The following COL11A1 variants were observed in gnomAD, a reference collection of about 807,000 sequenced individuals.
COL11A1 encodes the protein collagen alpha-1(XI) chain.
COL11A1 carries 74 observed loss-of-function variants against 265.2 expected under a neutral mutation model. That is an observed-to-expected ratio of 0.28 (90% CI 0.23 to 0.34). The LOEUF (loss-of-function observed/expected upper bound fraction) is 0.34, where lower values mean the gene tolerates loss of function less well. Among genes scored for constraint, COL11A1 ranks in the 10% least tolerant of loss-of-function variants. The probability of loss-of-function intolerance (pLI) is 1.00; values close to 1 mark genes in which losing one functional copy is unlikely to be tolerated. For missense variants in COL11A1, 2,165 were observed against 2,263.6 expected, an observed-to-expected ratio of 0.96 and a Z score of 0.88; for synonymous variants, 816 against 727.6, an observed-to-expected ratio of 1.12 and a Z score of -1.96.
chr1:102,915,734 C>T, intron 49 of COL11A1, 50 bp from the exon 50 acceptor site: 1 of 1,376,616 alleles, frequency 7.3e-7, no homozygotes, highest in South Asian at 1.2e-5. Context: ...TGATCTTTTA[C>T]ATTTATAAAA....
chr1:103,031,645 T>C (rs1031812348), intron 4 of COL11A1, among the ~76,000 whole-genome samples: 2 of 151,988 alleles, frequency 1.3e-5, no homozygotes, highest in Non-Finnish European at 2.9e-5. Flanking sequence ...ACTAAATAAG[T>C]AAAAAGCTCA....
chr1:102,910,763 T>C (rs757713056), intron 54 of COL11A1, among the ~76,000 whole-genome samples: 1 of 152,016 alleles, frequency 6.6e-6, no homozygotes, highest in Non-Finnish European at 1.5e-5. Context: ...AAATACACAA[T>C]TTGCCCAACG....
intron 36 of COL11A1, among the ~76,000 whole-genome samples, chr1:102,972,781 A>C (rs1333706666): frequency 6.6e-6 from 1 of 152,112 alleles, no homozygotes; most frequent in Non-Finnish European, 1.5e-5. Context: ...ATGTTTTCTC[A>C]CTTCTCATTG....
rs562849323 is a variant in COL11A1, at chr1:103,079,613, T to C, written c.275-742A>G. 1.2e-4 allele frequency among the ~76,000 whole-genome samples: 18 copies of C among 152,166 alleles called. No individual in the cohort carries two copies. In the South Asian group the frequency reaches 3.5e-3, roughly 30 times the overall value. ...CAAATAATTAAGTAATGAGTACTTA[T>C]ATTTTTATAAAACAATGTATATTAA... On this transcript the variant is annotated intron_variant, in intron 2 of 66. Coordinates refer to ENST00000370096, the MANE Select transcript of COL11A1 (RefSeq NM_001854.4).
chr1:102,901,319 TAA>T (rs35142040), intron 54 of COL11A1, among the ~76,000 whole-genome samples: 12 of 125,742 alleles, frequency 9.5e-5, no homozygotes, highest in South Asian at 5.1e-4. Context: ...AAACTCTGTC[TAA>T]AAAAAAAAAA....
chr1:102,996,974 A>C lies in COL11A1; in HGVS notation c.2241+106T>G. 7 of 940,628 alleles carry C rather than the reference A, an allele frequency of 7.4e-6. No individual in the cohort carries two copies. The African/African-American group carries it at 8.2e-5, about 11-fold the overall frequency. 58.3% of individuals were successfully genotyped at this position (940,628 alleles called of 1,614,324 possible). On this transcript the variant is annotated intron_variant, in intron 26 of 66. Transcript: ENST00000370096. ...AGTCTAAGATATCTTTTTTATACCC[A>C]AAATAACTATATGAACGTGATTTAT...
intron 46 of COL11A1, among the ~76,000 whole-genome samples, chr1:102,924,446 A>C (rs76458328): frequency 3.3e-5 from 5 of 151,998 alleles, no homozygotes; most frequent in Non-Finnish European, 7.4e-5. Context: ...TCATGTCACA[A>C]CAATACTTTG....
intron 4 of COL11A1, among the ~76,000 whole-genome samples, chr1:103,039,659 T>A (rs1668655897): frequency 6.6e-6 from 1 of 151,912 alleles, no homozygotes; most frequent in African/African-American, 2.4e-5. Flanking sequence ...TTTGAAAAAA[T>A]AAGTTTCTGT....
chr1:103,055,847 C>T (rs12131383), intron 4 of COL11A1, among the ~76,000 whole-genome samples: 18,120 of 152,190 alleles, frequency 0.12, 1,209 homozygotes, highest in Non-Finnish European at 0.14. Context: ...AAGAAATGAA[C>T]ACTTTTCAAA....
At chr1:103,081,348 T>C (rs1025423465) in intron 2 of COL11A1, among the ~76,000 whole-genome samples, 13 of 151,866 alleles carry the variant, frequency 8.6e-5, no homozygotes, top group Admixed American at 4.6e-4. Flanking sequence ...TTCCCATCCC[T>C]TTTTCTATTA....
At chr1:102,962,034 A>G (rs1196039850) in intron 40 of COL11A1, 115 bp from the exon 41 acceptor site, 7 of 1,006,648 alleles carry the variant, frequency 7.0e-6, no homozygotes, top group African/African-American at 6.4e-5. Context: ...ACATAACTAC[A>G]TATATACACA....
chr1:103,102,568 C>T (rs528207570), intron 1 of COL11A1, among the ~76,000 whole-genome samples: 14 of 152,174 alleles, frequency 9.2e-5, no homozygotes, highest in Admixed American at 2.0e-4. Context: ...TCCCCACTTG[C>T]AGTTGCCTTG....
At chr1:102,936,236 C>G (rs976792719) in intron 44 of COL11A1, among the ~76,000 whole-genome samples, 18 of 144,556 alleles carry the variant, frequency 1.2e-4, no homozygotes, top group African/African-American at 4.6e-4. Flanking sequence ...CAGTGCTTGT[C>G]TCAAAAAAAA....
chr1:102,901,609 G>C (rs891400922), intron 54 of COL11A1, among the ~76,000 whole-genome samples: 15 of 152,254 alleles, frequency 9.9e-5, no homozygotes, highest in African/African-American at 2.9e-4. Context: ...ACTTAATCTG[G>C]TGAGCTCTTG....
At chr1:103,037,797 G>A (rs573284583) in intron 4 of COL11A1, among the ~76,000 whole-genome samples, 1 of 152,140 alleles carries the variant, frequency 6.6e-6, no homozygotes, top group African/African-American at 2.4e-5. Flanking sequence ...TTTATTCTAA[G>A]AGAGCAATTT....
intron 6 of COL11A1, chr1:103,025,917 T>C (rs1173414087): frequency 6.2e-7 from 1 of 1,612,662 alleles, no homozygotes; most frequent in African/African-American, 1.3e-5. Flanking sequence ...TAGTAGCCAC[T>C]GTCCTCATCT....
At chr1:102,914,439 T>C (rs1455193328) in intron 51 of COL11A1, 34 bp from the exon 52 acceptor site, 2 of 1,558,444 alleles carry the variant, frequency 1.3e-6, no homozygotes, top group East Asian at 2.4e-5. Flanking sequence ...AAGAAATAAA[T>C]GAAAAATAAA....
At chr1:102,898,642 C>T in intron 56 of COL11A1, 24 bp downstream of exon 56, 1 of 1,586,506 alleles carries the variant, frequency 6.3e-7, no homozygotes, top group Non-Finnish European at 8.6e-7. Flanking sequence ...TTCAAAATGG[C>T]ATCTTTTTAA....
intron 42 of COL11A1, among the ~76,000 whole-genome samples, chr1:102,942,210 G>A (rs1343649382): frequency 6.6e-6 from 1 of 152,124 alleles, no homozygotes; most frequent in Non-Finnish European, 1.5e-5. Flanking sequence ...GATTCAGATA[G>A]TTCCCCTTAA....
Sources: gnomAD v4.1 joint callset for allele counts (sites outside exome capture counted in the v4.1 genomes callset) on GRCh38, gnomAD v4.1.1 for gene constraint, MANE v1.5 for transcripts, NCBI Gene and HGNC (gene_info 2026-07-23, HGNC 2026-07-21) for gene names.